ADAP2: variants seen among roughly 807,000 people sequenced by gnomAD.
ADAP2 encodes the protein arf-GAP with dual PH domain-containing protein 2.
A neutral mutation model predicts 54.9 loss-of-function variants in ADAP2; 42 were observed. That is an observed-to-expected ratio of 0.77 (90% CI 0.60 to 0.99). The LOEUF (loss-of-function observed/expected upper bound fraction) is 0.99. Ranked by LOEUF, ADAP2 falls within the 50% of genes least tolerant of loss-of-function variation. The pLI is 0.00. For missense variants in ADAP2, 429 were observed against 480.4 expected (o/e 0.89, Z 1.00); for synonymous variants, 177 against 180.1 (o/e 0.98, Z 0.14).
chr17:30,942,302 T>G (rs1309962964), intron 5 of ADAP2, among the ~76,000 whole-genome samples: 1 of 152,206 alleles, frequency 6.6e-6, no homozygotes, highest in Non-Finnish European at 1.5e-5. Context: ...ATACCCATCA[T>G]ATTGGCAAAA....
At chr17:30,924,201 C>T (rs998307634) in intron 2 of ADAP2, among the ~76,000 whole-genome samples, 3 of 151,948 alleles carry the variant, frequency 2.0e-5, no homozygotes, top group Admixed American at 6.6e-5. Context: ...GGTGAAACCC[C>T]GTCTTTACAA....
At chr17:30,928,594 G>A (rs1911245724) in intron 3 of ADAP2, among the ~76,000 whole-genome samples, 1 of 152,162 alleles carries the variant, frequency 6.6e-6, no homozygotes, top group Non-Finnish European at 1.5e-5. Flanking sequence ...AACCCTACAA[G>A]TACTGCTACT....
At chr17:30,950,159 CTT>C (rs1820029965) in intron 7 of ADAP2, among the ~76,000 whole-genome samples, 1 of 152,220 alleles carries the variant, frequency 6.6e-6, no homozygotes, top group Non-Finnish European at 1.5e-5. Flanking sequence ...AAAATCCCCT[CTT>C]TGCCCTGTGA....
At chr17:30,936,656 C>T (rs1464334073) in intron 5 of ADAP2, among the ~76,000 whole-genome samples, 2 of 152,098 alleles carry the variant, frequency 1.3e-5, no homozygotes, top group African/African-American at 4.8e-5. Flanking sequence ...GTGGCTCACG[C>T]CTGTAATCCC....
intron 9 of ADAP2, among the ~76,000 whole-genome samples, chr17:30,955,535 T>C (rs976999250): frequency 1.3e-5 from 2 of 151,832 alleles, no homozygotes; most frequent in African/African-American, 4.8e-5. Flanking sequence ...GGTGAAACCC[T>C]GTCTCTACTA....
At chr17:30,943,631 G>A (rs1386615459) in intron 5 of ADAP2, among the ~76,000 whole-genome samples, 1 of 148,872 alleles carries the variant, frequency 6.7e-6, no homozygotes, top group African/African-American at 2.5e-5. Context: ...GGTGGATCAC[G>A]AGGTCAGGAG....
Position 30,926,906 on chromosome 17 carries a change from CCAA to C in ADAP2, c.307_309del (p.Asn103del). 6 of 1,613,824 alleles carry C rather than the reference CCAA, an allele frequency of 3.7e-6. No individual in the cohort carries two copies. Among genetic ancestry groups the C allele is most frequent in the Non-Finnish European group, 5.1e-6 (6 of 1,179,692 alleles). On this transcript the variant is annotated inframe_deletion, in exon 3 of 11. Coordinates refer to ENST00000330889, the MANE Select transcript of ADAP2 (RefSeq NM_018404.3). ...CCAGCTTTCTACTACATCCCCCAGG[CCAA>C]CGACTGCCTGTGAGTGGGTGATTCC...
chr17:30,927,998 G>A (rs1172110947), intron 3 of ADAP2, among the ~76,000 whole-genome samples: 2 of 151,384 alleles, frequency 1.3e-5, no homozygotes, highest in Non-Finnish European at 2.9e-5. Flanking sequence ...ACTCTAGTAT[G>A]AGTGACAGAG....
chr17:30,942,844 A>G (rs1391424122), intron 5 of ADAP2, among the ~76,000 whole-genome samples: 7 of 152,238 alleles, frequency 4.6e-5, no homozygotes, highest in South Asian at 4.1e-4. Flanking sequence ...CAAAACCACA[A>G]TGAGATACCA....
Position 30,926,814 on chromosome 17 carries a change from T to C in ADAP2, c.226-13T>C. 1 of 1,613,198 alleles carries C rather than the reference T, an allele frequency of 6.2e-7. No homozygotes were observed. Among genetic ancestry groups the C allele is most frequent in the Non-Finnish European group, 8.5e-7 (1 of 1,179,152 alleles). ...AAGTTCTAATATTACCTCAGGTTGC[T>C]GTTGTCTTGCAGTTTATGATCCACA... On this transcript the variant is annotated splice_polypyrimidine_tract_variant and intron_variant, in intron 2 of 10. Transcript: ENST00000330889.
In ADAP2 at chr17:30,932,040, T is replaced by C. The variant is rs1450092182; in HGVS notation, c.397+72T>C. ...CTAGAAAAACCAAGTGCCTAAATATTAGGAGCAAGATCCATCCAAGAGATG... is the reference window on the plus strand; with the variant it reads ...CTAGAAAAACCAAGTGCCTAAATATCAGGAGCAAGATCCATCCAAGAGATG... On this transcript the variant is annotated intron_variant, in intron 4 of 10. Coordinates refer to ENST00000330889, the MANE Select transcript of ADAP2 (RefSeq NM_018404.3). The C allele has an allele frequency of 4.9e-6, 7 of 1,424,000 alleles. No individual in the cohort carries two copies. The East Asian group carries it at 1.6e-4, about 33-fold the overall frequency. 88.2% of individuals were successfully genotyped at this position (1,424,000 alleles called of 1,614,324 possible).
chr17:30,922,875 G>C, intron 1 of ADAP2, 65 bp from the exon 2 acceptor site: 3 of 1,574,824 alleles, frequency 1.9e-6, no homozygotes, highest in Non-Finnish European at 2.6e-6. Flanking sequence ...CCAGTGCCCC[G>C]AGCCCAGCCC....
At chr17:30,925,350 C>T (rs1229566938) in intron 2 of ADAP2, among the ~76,000 whole-genome samples, 4 of 149,558 alleles carry the variant, frequency 2.7e-5, no homozygotes, top group African/African-American at 4.9e-5. Flanking sequence ...CCACCATGCC[C>T]GGCTAATTTT....
At chr17:30,923,219 T>C in intron 2 of ADAP2, 149 bp downstream of exon 2, 1 of 901,646 alleles carries the variant, frequency 1.1e-6, no homozygotes, top group East Asian at 2.5e-5. Flanking sequence ...GATGGCAGCT[T>C]AGACAGAGGC....
chr17:30,933,174 A>G (rs1011609514), intron 4 of ADAP2, among the ~76,000 whole-genome samples: 12 of 152,022 alleles, frequency 7.9e-5, no homozygotes, highest in African/African-American at 2.9e-4. Context: ...CAGGACCACA[A>G]ATTATTCTAT....
chr17:30,948,929 C>T (rs1904374003), intron 6 of ADAP2, among the ~76,000 whole-genome samples: 3 of 152,224 alleles, frequency 2.0e-5, no homozygotes, highest in Admixed American at 6.5e-5. Context: ...TCTTGGGCCC[C>T]ATTCCAAACC....
rs1266238101 is a variant in ADAP2, at chr17:30,949,389, C to G, written c.741+19C>G. ...GTCTGAGGTGAGCTAAATGCGGACC[C>G]CAATTTCTGAATCTCCTCTTGGCCA... On this transcript the variant is annotated intron_variant, in intron 7 of 10. Transcript: ENST00000330889. The G allele has an allele frequency of 6.2e-7, 1 of 1,606,666 alleles. No individual in the cohort carries two copies. The highest frequency in any genetic ancestry group is 1.1e-5 in the South Asian group (1 of 90,918).
intron 7 of ADAP2, 58 bp from the exon 8 acceptor site, chr17:30,953,230 C>T (rs371471867): frequency 3.5e-5 from 55 of 1,568,518 alleles, no homozygotes; most frequent in East Asian, 2.2e-4. Context: ...CCAAGCTCGG[C>T]GGGAACCTGG....
rs1340644732 is a variant in ADAP2, at chr17:30,944,973, G to A, written c.577G>A (p.Gly193Arg). The A allele has an allele frequency of 3.7e-6, 6 of 1,614,024 alleles. No homozygotes were observed. In the South Asian group the frequency reaches 6.6e-5, roughly 18 times the overall value. ...LNATFQTEKI[G>R]HPHGLQITYR... ...TGCCACCTTCCAGACAGAGAAGATA[G>A]GGCACCCCCATGGGCTGCAGATCAC... Residue 193 changes from glycine to arginine, a missense_variant, in exon 6 of 11, where the codon GGG becomes AGG. Transcript: ENST00000330889.
Sources: allele counts gnomAD v4.1 joint callset (sites outside exome capture counted in the v4.1 genomes callset), GRCh38; gene constraint gnomAD v4.1.1; transcripts MANE v1.5; gene names NCBI Gene and HGNC (gene_info 2026-07-23, HGNC 2026-07-21).